The following EFCC1 variants were observed in gnomAD, a reference collection of about 807,000 sequenced individuals.
EFCC1 encodes the protein EF-hand and coiled-coil domain containing 1, also known as EF-hand and coiled-coil domain-containing protein 1.
EFCC1 carries 50 observed loss-of-function variants against 52.1 expected under a neutral mutation model. That is an observed-to-expected ratio of 0.96 (90% CI 0.76 to 1.21). The LOEUF (loss-of-function observed/expected upper bound fraction) is 1.21. EFCC1 is among the 50% of genes most tolerant of loss of function. EFCC1 has a pLI of 0.00. For synonymous variants in EFCC1, 399 were observed against 396.5 expected (o/e 1.01, Z -0.08); for missense variants, 837 against 867.3 (o/e 0.97, Z 0.44).
intron 4 of EFCC1, among the ~76,000 whole-genome samples, chr3:129,033,548 C>T (rs1439196784): frequency 1.3e-5 from 2 of 152,190 alleles, no homozygotes; most frequent in African/African-American, 2.4e-5. Context: ...TAGGTGGGAA[C>T]GCCGGTGGGG....
chr3:129,020,316 A>G (rs1945779729), intron 2 of EFCC1, among the ~76,000 whole-genome samples: 1 of 152,122 alleles, frequency 6.6e-6, no homozygotes, highest in South Asian at 2.1e-4. Context: ...CTTGCACCCT[A>G]TGAGCTTGGG....
intron 4 of EFCC1, 141 bp downstream of exon 4, chr3:129,033,107 G>A: frequency 7.7e-7 from 1 of 1,293,710 alleles, no homozygotes; most frequent in South Asian, 1.7e-5. Context: ...TGTCCCTCAG[G>A]GGGAGGTGGG....
rs1945458731 is a variant in EFCC1 at position 129,014,080 on chromosome 3, T to G, written c.980+10003T>G. 6.6e-6 allele frequency among the ~76,000 whole-genome samples: 1 copy of G among 152,220 alleles called. No homozygotes were observed. Among genetic ancestry groups the G allele is most frequent in the Non-Finnish European group, 1.5e-5 (1 of 68,036 alleles). ...GTCTTCAGGCTCTTCATTTTGCCTC[T>G]TCATGATTTTCTGTCAGAAATAACC... On this transcript the variant is annotated intron_variant, in intron 2 of 7. Coordinates refer to ENST00000683648, the MANE Select transcript of EFCC1 (RefSeq NM_001377500.1). This position sits in a 1 kb window ranked among gnomAD's most constrained non-coding sequence, Gnocchi z 4.3.
chr3:129,040,214 A>AG lies in EFCC1; in HGVS notation c.*368dup, dbSNP rs1385103038. ...CCCCAAATCTCTTCCCCAGAGTTTC[A>AG]GGATCTCCTCCCCTCCCAGCACTGT... On this transcript the variant is annotated 3_prime_UTR_variant, in exon 8 of 8. Coordinates refer to ENST00000683648, the MANE Select transcript of EFCC1 (RefSeq NM_001377500.1). The surrounding 1 kb of genome is among the most constrained non-coding windows in gnomAD (Gnocchi z 4.4). The AG allele has an allele frequency of 4.5e-6, 1 of 221,810 alleles. No homozygotes were observed. The highest frequency in any genetic ancestry group is 8.8e-6 in the Non-Finnish European group (1 of 113,898). The allele number at this position is 221,810 out of a possible 1,614,324, so 13.7% of individuals were successfully genotyped here.
chr3:129,029,845 A>G (rs1946233568), intron 2 of EFCC1, among the ~76,000 whole-genome samples: 1 of 150,882 alleles, frequency 6.6e-6, no homozygotes, highest in Non-Finnish European at 1.5e-5. Context: ...TCTGCCTCTC[A>G]TAGTGCTAGG....
intron 2 of EFCC1, among the ~76,000 whole-genome samples, chr3:129,028,745 C>T (rs576298649): frequency 5.9e-5 from 9 of 152,046 alleles, no homozygotes; most frequent in Non-Finnish European, 8.8e-5. Context: ...CAGGTTCAAG[C>T]GATTCTCCTG....
At chr3:129,022,436 G>A (rs936827526) in intron 2 of EFCC1, among the ~76,000 whole-genome samples, 7 of 152,226 alleles carry the variant, frequency 4.6e-5, no homozygotes, top group African/African-American at 1.2e-4. Context: ...AAGATCTGGA[G>A]CCAGGAGCCA....
Position 129,038,899 on chromosome 3 carries a change from C to T in EFCC1, c.1662C>T (p.His554=), listed in dbSNP as rs138572817. Residue 554 remains histidine, a splice_region_variant and synonymous_variant, in exon 7 of 8, where the codon CAC becomes CAT. Transcript: ENST00000683648. ...TGGACGCTTTCAGGGACCCCACCCA[C>T]GGTAGGAGAGCACCCTAGTCTCTCA... ...STLDAFRDPT[H]EGRPSPAAIL... 140 of 1,613,784 alleles carry T rather than the reference C, an allele frequency of 8.7e-5. No homozygotes were observed. In the East Asian group the frequency reaches 9.1e-4, roughly 11 times the overall value.
rs1946256158 is a variant in EFCC1, at chr3:129,030,772, T to C, written c.1050T>C (p.Pro350=). Residue 350 remains proline (P), a synonymous_variant, in exon 3 of 8, where the codon CCT becomes CCC. Transcript: ENST00000683648. ...AGCCAGGAGACAAGAGTAATGAACC[T>C]GAAGATGCTGGGACCAGAGACCCAG... ...NPEPGDKSNE[P]EDAGTRDPDP... 1.3e-6 allele frequency: 2 copies of C among 1,551,624 alleles called. No individual in the cohort carries two copies. Among genetic ancestry groups the C allele is most frequent in the Non-Finnish European group, 8.7e-7 (1 of 1,146,960 alleles).
At chr3:129,018,322 T>A (rs1945679342) in intron 2 of EFCC1, among the ~76,000 whole-genome samples, 1 of 152,168 alleles carries the variant, frequency 6.6e-6, no homozygotes, top group South Asian at 2.1e-4. Context: ...CACCCTTATT[T>A]TTATACAATC....
intron 2 of EFCC1, among the ~76,000 whole-genome samples, chr3:129,019,878 C>T (rs896913623): frequency 6.7e-6 from 1 of 149,796 alleles, no homozygotes; most frequent in East Asian, 2.0e-4. Context: ...AAGCGATTCT[C>T]CTGCCTCAGC....
intron 2 of EFCC1, among the ~76,000 whole-genome samples, chr3:129,027,909 G>A (rs148003515): frequency 3.3e-4 from 50 of 152,074 alleles, no homozygotes; most frequent in African/African-American, 1.1e-3. Flanking sequence ...AGCTGAGATC[G>A]CGCCACTGCA....
intron 3 of EFCC1, among the ~76,000 whole-genome samples, chr3:129,031,969 TG>T (rs1946280998): frequency 2.6e-5 from 4 of 151,890 alleles, no homozygotes; most frequent in Non-Finnish European, 5.9e-5. Context: ...TGGAGCTGGG[TG>T]GAGAGGAAGA....
intron 2 of EFCC1, among the ~76,000 whole-genome samples, chr3:129,030,013 T>C (rs1464296525): frequency 6.6e-6 from 1 of 151,882 alleles, no homozygotes; most frequent in African/African-American, 2.4e-5. Flanking sequence ...GGCAAAACCC[T>C]GTCCCCACAA....
In EFCC1 at chr3:129,020,620, G is replaced by C. The variant is rs1445537634; in HGVS notation, c.981-10083G>C. On this transcript the variant is annotated intron_variant, in intron 2 of 7. Transcript: ENST00000683648. ...CCACTGCATTCCAGCCTGGGCAACAGAGTAACACCCTGTCTCAATAAATAA... is the reference window on the plus strand; with the variant it reads ...CCACTGCATTCCAGCCTGGGCAACACAGTAACACCCTGTCTCAATAAATAA... Among the ~76,000 whole-genome samples the C allele has an allele frequency of 2.6e-5, 4 of 152,264 alleles. No individual in the cohort carries two copies. The East Asian group carries it at 7.7e-4, about 29-fold the overall frequency.
rs111639121 is a variant in EFCC1, at chr3:129,002,334, G to A, written c.696+10G>A. 2 of 1,512,220 alleles carry A rather than the reference G, an allele frequency of 1.3e-6. No homozygotes were observed. Among genetic ancestry groups the A allele is most frequent in the African/African-American group, 1.4e-5 (1 of 70,734 alleles). 93.7% of individuals were successfully genotyped at this position (1,512,220 alleles called of 1,614,324 possible). A position where few individuals can be genotyped will look rare whatever the true frequency, so the allele number is the denominator to read the frequency against. ...CTGCCTAGCACTGCAGGTGCGCGCC[G>A]GCCACGAAGGGAGGGTGGTAACGCC... is the stretch of plus-strand genomic sequence containing the variant. On this transcript the variant is annotated intron_variant, in intron 1 of 7. Transcript: ENST00000683648.
In EFCC1 at chr3:129,001,325, A is replaced by G. The variant is rs576777881; in HGVS notation, c.-304A>G. ...GCGCAGACGCCAGGAACGCCCCGTG[A>G]GTGAGGAGAGGAGAGCGTGGGAGTC... On this transcript the variant is annotated 5_prime_UTR_variant, in exon 1 of 8. Transcript: ENST00000683648. Among the ~76,000 whole-genome samples, 2 of 152,258 alleles carry G rather than the reference A, an allele frequency of 1.3e-5. No individual in the cohort carries two copies. The highest frequency in any genetic ancestry group is 4.1e-4 in the South Asian group (2 of 4,826).
intron 2 of EFCC1, among the ~76,000 whole-genome samples, chr3:129,027,187 G>A (rs563321552): frequency 1.1e-4 from 17 of 152,300 alleles, no homozygotes; most frequent in Admixed American, 2.6e-4. Context: ...TTGGCTACCC[G>A]TGCAGCCCTG....
intron 2 of EFCC1, among the ~76,000 whole-genome samples, chr3:129,005,564 A>C (rs1291462502): frequency 2.0e-5 from 3 of 152,272 alleles, no homozygotes; most frequent in African/African-American, 7.2e-5. Flanking sequence ...TACCCTGGCT[A>C]CAATGTGACA....
Sources: allele counts gnomAD v4.1 joint callset (sites outside exome capture counted in the v4.1 genomes callset), GRCh38; gene constraint gnomAD v4.1.1; non-coding constraint Gnocchi (gnomAD v3.1); transcripts MANE v1.5; gene names NCBI Gene and HGNC (gene_info 2026-07-23, HGNC 2026-07-21).